The following PIWIL3 variants were observed in gnomAD, a reference collection of about 807,000 sequenced individuals.
PIWIL3 encodes the protein piwi like RNA-mediated gene silencing 3.
A neutral mutation model predicts 109.7 loss-of-function variants in PIWIL3; 101 were observed. The ratio of observed to expected loss-of-function variants is 0.92; its 90% CI spans 0.78 to 1.09. The LOEUF is 1.09. Among genes scored for constraint, PIWIL3 ranks in the 50% least tolerant of loss-of-function variants. PIWIL3 has a pLI of 0.00. For synonymous variants in PIWIL3, 373 were observed against 376.4 expected, an observed-to-expected ratio of 0.99 and a Z score of 0.10; for missense variants, 1,031 against 1,072.6, an observed-to-expected ratio of 0.96 and a Z score of 0.54.
intron 12 of PIWIL3, among the ~76,000 whole-genome samples, chr22:24,742,529 C>T (rs1381878926): frequency 6.6e-6 from 1 of 152,194 alleles, no homozygotes; most frequent in Non-Finnish European, 1.5e-5. Context: ...ATCCAAACAA[C>T]ATGGTACTGG....
intron 1 of PIWIL3, chr22:24,769,836 A>G (rs1370961024): frequency 6.6e-6 from 1 of 151,752 alleles, no homozygotes; most frequent in East Asian, 1.9e-4. Context: ...CACCAATACT[A>G]ATGATAGCTG....
intron 16 of PIWIL3, among the ~76,000 whole-genome samples, chr22:24,727,196 G>A (rs1569096780): frequency 6.6e-6 from 1 of 152,184 alleles, no homozygotes; most frequent in Non-Finnish European, 1.5e-5. Context: ...GCCTGTGGTA[G>A]GCAGAATTCT....
At chr22:24,721,350 T>C (rs1233481574) in intron 19 of PIWIL3, among the ~76,000 whole-genome samples, 1 of 152,220 alleles carries the variant, frequency 6.6e-6, no homozygotes, top group East Asian at 1.9e-4. Context: ...AGTTTCACTA[T>C]AACATTTCTA....
intron 2 of PIWIL3, among the ~76,000 whole-genome samples, chr22:24,761,274 TG>T (rs1482770570): frequency 6.6e-6 from 1 of 151,994 alleles, no homozygotes; most frequent in Non-Finnish European, 1.5e-5. Flanking sequence ...GCTCAAGGGC[TG>T]GGTCTTGGCA....
chr22:24,736,906 C>T (rs1923690699), intron 12 of PIWIL3, among the ~76,000 whole-genome samples: 1 of 152,228 alleles, frequency 6.6e-6, no homozygotes, highest in Non-Finnish European at 1.5e-5. Context: ...AGGGGAATTT[C>T]CCAGCCCAGT....
chr22:24,758,517 T>C (rs1454296035), intron 3 of PIWIL3, among the ~76,000 whole-genome samples: 1 of 152,276 alleles, frequency 6.6e-6, no homozygotes, highest in African/African-American at 2.4e-5. Context: ...TTCATATCGA[T>C]GTAGCTATTC....
At chr22:24,766,453 G>A (rs906356260) in intron 1 of PIWIL3, among the ~76,000 whole-genome samples, 1 of 152,082 alleles carries the variant, frequency 6.6e-6, no homozygotes, top group East Asian at 1.9e-4. Flanking sequence ...CGAGTAGCTG[G>A]AAGTACAGGC....
intron 12 of PIWIL3, among the ~76,000 whole-genome samples, chr22:24,746,950 G>C (rs1261498673): frequency 1.3e-5 from 2 of 151,668 alleles, no homozygotes; most frequent in African/African-American, 4.8e-5. Flanking sequence ...TAATACCAAG[G>C]GTATTCTTTA....
chr22:24,719,634 C>T (rs1168760916), intron 20 of PIWIL3, 46 bp from the exon 21 acceptor site: 4 of 1,539,580 alleles, frequency 2.6e-6, no homozygotes, highest in East Asian at 4.5e-5. Context: ...TTTCACTTTA[C>T]ATCTACTTTC....
chr22:24,763,319 T>G (rs557446048), intron 1 of PIWIL3, among the ~76,000 whole-genome samples: 2 of 149,824 alleles, frequency 1.3e-5, no homozygotes, highest in Admixed American at 1.3e-4. Flanking sequence ...GTTTTTTATT[T>G]TGAGAGAGTC....
In PIWIL3 at chr22:24,756,657, A is replaced by G; in HGVS notation, c.404T>C (p.Ile135Thr). Residue 135 changes from isoleucine to threonine, a missense_variant, in exon 5 of 21, where the codon ATA becomes ACA. Physicochemically the swap from Ile to Thr is moderately conservative, Grantham distance 89 (BLOSUM62 -1). Transcript: ENST00000616349. Reference sequence around the variant, plus strand: ...ATATGCAACCCACTGAGGACGAGATATCACTCGGAAGTGGTTGGCGAGTAG... The same window carrying G: ...ATATGCAACCCACTGAGGACGAGATGTCACTCGGAAGTGGTTGGCGAGTAG... Reference protein sequence around the residue: ...VQLLANHFRVISRPQWVAYKY... With the variant: ...VQLLANHFRVTSRPQWVAYKY... 6.2e-7 allele frequency: 1 copy of G among 1,614,142 alleles called. No homozygotes were observed. Among genetic ancestry groups the G allele is most frequent in the Non-Finnish European group, 8.5e-7 (1 of 1,180,004 alleles).
chr22:24,746,534 A>G (rs754756375), intron 12 of PIWIL3, among the ~76,000 whole-genome samples: 1 of 152,142 alleles, frequency 6.6e-6, no homozygotes, highest in Non-Finnish European at 1.5e-5. Context: ...ATTGTTATTC[A>G]ACATAGTACT....
intron 7 of PIWIL3, 72 bp downstream of exon 7, chr22:24,754,712 G>T (rs1339856804): frequency 2.4e-6 from 3 of 1,261,340 alleles, no homozygotes; most frequent in Non-Finnish European, 3.5e-6. Context: ...CTTCAAATAT[G>T]AAATGAATAA....
intron 9 of PIWIL3, among the ~76,000 whole-genome samples, chr22:24,750,156 A>G (rs144463730): frequency 2.5e-3 from 385 of 152,134 alleles, no homozygotes; most frequent in African/African-American, 8.1e-3. Context: ...CTCCCAAAGC[A>G]TACTGAAAAC....
Position 24,719,500 on chromosome 22 carries a change from G to A in PIWIL3, c.2594C>T (p.Ser865Phe). The change falls in exon 21 of 21, where the codon TCC (serine) becomes TTC (phenylalanine). Residue 865 changes from serine (S) to phenylalanine (F), a missense_variant. Coordinates refer to ENST00000616349, the MANE Select transcript of PIWIL3 (RefSeq NM_001255975.1). ...GQSIHQEPNR[S>F]LSTRLFYL is the part of the protein sequence containing the mutation. ...AAGGTAAAAGAGACGAGTTGACAAG[G>A]AACGATTCGGTTCCTGGTGAATGGA... The A allele has an allele frequency of 6.3e-7, 1 of 1,598,714 alleles. No individual in the cohort carries two copies. Among genetic ancestry groups the A allele is most frequent in the Non-Finnish European group, 8.5e-7 (1 of 1,174,754 alleles).
rs191943810 is a variant in PIWIL3, at chr22:24,765,820, C to T, written c.-22-3299G>A. ...AGGAAAAATAATCAAGATTTTAGGG[C>T]TTTTATTTTTTCTTTTGTAGTTGTG... On this transcript the variant is annotated intron_variant, in intron 1 of 20. Coordinates refer to ENST00000616349, the MANE Select transcript of PIWIL3 (RefSeq NM_001255975.1). Among the ~76,000 whole-genome samples the T allele has an allele frequency of 2.8e-4, 42 of 150,502 alleles. No individual in the cohort carries two copies. In the East Asian group the frequency reaches 5.1e-3, roughly 18 times the overall value.
At chr22:24,740,907 C>T (rs1344719784) in intron 12 of PIWIL3, among the ~76,000 whole-genome samples, 1 of 152,162 alleles carries the variant, frequency 6.6e-6, no homozygotes. Flanking sequence ...CTAAATCATT[C>T]TATGAAGCCA....
At chr22:24,731,196 C>T (rs1923325421) in intron 14 of PIWIL3, among the ~76,000 whole-genome samples, 1 of 152,112 alleles carries the variant, frequency 6.6e-6, no homozygotes, top group Non-Finnish European at 1.5e-5. Context: ...CCTCCACAAA[C>T]AAGTTTATTG....
chr22:24,745,669 G>T (rs1227938927), intron 12 of PIWIL3, among the ~76,000 whole-genome samples: 1 of 137,686 alleles, frequency 7.3e-6, no homozygotes, highest in Non-Finnish European at 1.6e-5. Context: ...TGAAACAAAA[G>T]GTTTTTTGAA....
Sources: gnomAD v4.1 joint callset for allele counts (sites outside exome capture counted in the v4.1 genomes callset) on GRCh38, gnomAD v4.1.1 for gene constraint, MANE v1.5 for transcripts, NCBI Gene and HGNC (gene_info 2026-07-23, HGNC 2026-07-21) for gene names.